The following FOXP1 variants were observed in gnomAD, a reference collection of about 807,000 sequenced individuals.
FOXP1 encodes the protein forkhead box protein P1.
A neutral mutation model predicts 98.2 loss-of-function variants in FOXP1; 15 were observed. The ratio of observed to expected loss-of-function variants is 0.15; its 90% CI spans 0.10 to 0.24. FOXP1 has a LOEUF of 0.24. Among genes scored for constraint, FOXP1 ranks in the 10% least tolerant of loss-of-function variants. The pLI, the probability that FOXP1 is intolerant of heterozygous loss-of-function variation, is 1.00. For missense variants in FOXP1, 633 were observed against 848.5 expected (o/e 0.75, Z 3.15); for synonymous variants, 371 against 314.5 (o/e 1.18, Z -1.90).
At chr3:70,990,864 G>A (rs1432413692) in intron 13 of FOXP1, among the ~76,000 whole-genome samples, 1 of 152,134 alleles carries the variant, frequency 6.6e-6, no homozygotes, top group African/African-American at 2.4e-5. Flanking sequence ...ATCACACTGT[G>A]CTGTGTTCAA....
intron 14 of FOXP1, among the ~76,000 whole-genome samples, chr3:70,985,475 A>G (rs928398086): frequency 3.9e-5 from 6 of 152,130 alleles, no homozygotes; most frequent in Non-Finnish European, 5.9e-5. Context: ...TCACCTATAC[A>G]TATTTTAATA....
At chr3:71,183,895 G>T (rs751888564) in intron 6 of FOXP1, among the ~76,000 whole-genome samples, 3 of 152,194 alleles carry the variant, frequency 2.0e-5, no homozygotes, top group Non-Finnish European at 2.9e-5. Context: ...GCTCACGTCT[G>T]TAATCCCAGC....
chr3:71,547,700 G>A (rs984778605), intron 2 of FOXP1, among the ~76,000 whole-genome samples: 1 of 152,186 alleles, frequency 6.6e-6, no homozygotes, highest in African/African-American at 2.4e-5. Context: ...TTACCTAATG[G>A]CCTCTTCAAC....
At chr3:71,580,745 T>C in intron 2 of FOXP1, 5 of 976,948 alleles carry the variant, frequency 5.1e-6, no homozygotes, top group Non-Finnish European at 6.1e-6. Context: ...AGCAGAAAAA[T>C]TCCTTTAAAT....
chr3:71,416,547 AACACACACACACACACACACAC>A (rs55710900), intron 3 of FOXP1, among the ~76,000 whole-genome samples: 8 of 136,854 alleles, frequency 5.8e-5, no homozygotes, highest in East Asian at 2.4e-4. Context: ...TCTGTCTCAA[AACACACACACACACACACACAC>A]ACACACACAC....
chr3:71,487,764 T>C (rs986156131), intron 3 of FOXP1, among the ~76,000 whole-genome samples: 4 of 152,214 alleles, frequency 2.6e-5, no homozygotes, highest in Admixed American at 2.0e-4. Flanking sequence ...GGTGAATTTG[T>C]ATGTCCAGAA....
intron 13 of FOXP1, among the ~76,000 whole-genome samples, chr3:70,993,577 G>A (rs1426513963): frequency 6.6e-6 from 1 of 152,214 alleles, no homozygotes; most frequent in African/African-American, 2.4e-5. Flanking sequence ...GACTCTAAGA[G>A]GCCAGTGATA....
chr3:71,369,378 A>G (rs1197684776), intron 3 of FOXP1, among the ~76,000 whole-genome samples: 1 of 152,150 alleles, frequency 6.6e-6, no homozygotes, highest in African/African-American at 2.4e-5. Flanking sequence ...CAACAGAACG[A>G]GACTCCGTCT....
At chr3:71,400,056 A>G (rs1439477092) in intron 3 of FOXP1, among the ~76,000 whole-genome samples, 1 of 152,202 alleles carries the variant, frequency 6.6e-6, no homozygotes, top group Non-Finnish European at 1.5e-5. Context: ...CCAGATACAT[A>G]AATTTTTTCA....
intron 6 of FOXP1, among the ~76,000 whole-genome samples, chr3:71,128,597 C>T (rs917526505): frequency 2.6e-5 from 4 of 152,158 alleles, no homozygotes; most frequent in Non-Finnish European, 5.9e-5. Context: ...TTTAGTTGAG[C>T]TATTCATGTT....
intron 19 of FOXP1, 114 bp from the exon 20 acceptor site, chr3:70,966,170 C>G: frequency 1.1e-6 from 1 of 878,654 alleles, no homozygotes; most frequent in Non-Finnish European, 1.8e-6. Flanking sequence ...GCATGGCTGG[C>G]AAATACAAGT....
At chr3:71,064,828 C>T (rs1473018543) in intron 7 of FOXP1, 7 of 984,078 alleles carry the variant, frequency 7.1e-6, no homozygotes, top group East Asian at 1.1e-4. Flanking sequence ...ACCAACCTGA[C>T]ACTCTCCATG....
intron 5 of FOXP1, among the ~76,000 whole-genome samples, chr3:71,287,724 G>C (rs1028740667): frequency 1.3e-5 from 2 of 151,170 alleles, no homozygotes; most frequent in African/African-American, 4.9e-5. Context: ...AGGTTGCAGT[G>C]AGCTGAGGTC....
chr3:71,226,792 C>T (rs1362607115), intron 5 of FOXP1, among the ~76,000 whole-genome samples: 5 of 152,080 alleles, frequency 3.3e-5, no homozygotes, highest in South Asian at 4.1e-4. Flanking sequence ...GCTCACTCCC[C>T]GCACGCACTA....
chr3:71,508,933 T>C (rs1489900150), intron 2 of FOXP1, among the ~76,000 whole-genome samples: 1 of 152,092 alleles, frequency 6.6e-6, no homozygotes, highest in Non-Finnish European at 1.5e-5. Flanking sequence ...AGGATTGTGG[T>C]GAGGACAAAA....
At chr3:71,010,767 G>A (rs1389306913) in intron 12 of FOXP1, among the ~76,000 whole-genome samples, 1 of 152,010 alleles carries the variant, frequency 6.6e-6, no homozygotes, top group Non-Finnish European at 1.5e-5. Context: ...ATGCTTTCAG[G>A]ATCTATGAAT....
Position 70,957,508 on chromosome 3 carries a change from T to C in FOXP1, c.*1739A>G, listed in dbSNP as rs2032109364. 1 of 230,996 alleles carries C rather than the reference T, an allele frequency of 4.3e-6. No individual in the cohort carries two copies. Among genetic ancestry groups the C allele is most frequent in the Non-Finnish European group, 8.6e-6 (1 of 116,456 alleles). The allele number at this position is 230,996 out of a possible 1,614,324, so 14.3% of individuals were successfully genotyped here. On this transcript the variant is annotated 3_prime_UTR_variant, in exon 21 of 21. Transcript: ENST00000649528. ...GAGAACATAATTTACCTTTGTGTAA[T>C]ATCTTTGGTAATTTTAGAAAAAAGG...
chr3:71,310,802 C>T (rs1382072581), intron 4 of FOXP1, among the ~76,000 whole-genome samples: 1 of 152,176 alleles, frequency 6.6e-6, no homozygotes, highest in East Asian at 1.9e-4. Flanking sequence ...AGTGTCTGGC[C>T]ACCAGTTGGC....
intron 5 of FOXP1, among the ~76,000 whole-genome samples, chr3:71,266,397 C>T (rs2069664527): frequency 1.3e-5 from 2 of 151,804 alleles, no homozygotes; most frequent in South Asian, 4.2e-4. Flanking sequence ...CTACAGGTGC[C>T]CGCCACCATG....
Sources: gnomAD v4.1 joint callset for allele counts (sites outside exome capture counted in the v4.1 genomes callset) on GRCh38, gnomAD v4.1.1 for gene constraint, MANE v1.5 for transcripts, NCBI Gene and HGNC (gene_info 2026-07-23, HGNC 2026-07-21) for gene names.